Variants in ECT2L observed in about 807,000 individuals in gnomAD.
ECT2L encodes the protein epithelial cell-transforming sequence 2 oncogene-like.
A neutral mutation model predicts 122.8 loss-of-function variants in ECT2L; 126 were observed. The ratio of observed to expected loss-of-function variants is 1.03; its 90% CI spans 0.89 to 1.19. The LOEUF is 1.19. Ranked by LOEUF, ECT2L falls within the 50% of genes most tolerant of loss-of-function variation. The pLI is 0.00. For synonymous variants in ECT2L, 385 were observed against 381.8 expected (o/e 1.01, Z -0.10); for missense variants, 1,012 against 1,064.1 (o/e 0.95, Z 0.68).
chr6:138,902,730 T>C lies in ECT2L; in HGVS notation c.*103T>C, dbSNP rs1779446459. 13 of 1,376,416 alleles carry C rather than the reference T, an allele frequency of 9.4e-6. No homozygotes were observed. The highest frequency in any genetic ancestry group is 7.0e-5 in the East Asian group (3 of 42,916). The allele number at this position is 1,376,416 out of a possible 1,614,324, so 85.3% of individuals were successfully genotyped here. A position where few individuals can be genotyped will look rare whatever the true frequency, so the allele number is the denominator to read the frequency against. ...CCAGTAAGAAACAGAATAACTGTCA[T>C]GGATGATGAGATAAACTAAGATGAC... On this transcript the variant is annotated 3_prime_UTR_variant, in exon 22 of 22. Coordinates refer to ENST00000541398, the MANE Select transcript of ECT2L (RefSeq NM_001077706.3).
chr6:138,826,891 C>G (rs754269133), intron 4 of ECT2L, among the ~76,000 whole-genome samples: 7 of 152,084 alleles, frequency 4.6e-5, no homozygotes, highest in Non-Finnish European at 8.8e-5. Flanking sequence ...CTGTCTCACT[C>G]TCTTGCTCCT....
chr6:138,883,438 G>A (rs965415757), intron 16 of ECT2L, among the ~76,000 whole-genome samples: 14 of 152,168 alleles, frequency 9.2e-5, no homozygotes, highest in African/African-American at 3.1e-4. Flanking sequence ...CTTCTTATGG[G>A]AATAACATCC....
chr6:138,873,872 C>CTGTGTGTGTGTGTGTGTG (rs57839466), intron 13 of ECT2L, among the ~76,000 whole-genome samples: 126 of 71,342 alleles, frequency 1.8e-3, no homozygotes, highest in African/African-American at 3.8e-3. Flanking sequence ...AAATCCAGGA[C>CTGTGTGTGTGTGTGTGTG]TGTGTGTGTG....
At chr6:138,854,913 A>G (rs1400000572) in intron 10 of ECT2L, among the ~76,000 whole-genome samples, 1 of 152,206 alleles carries the variant, frequency 6.6e-6, no homozygotes, top group Non-Finnish European at 1.5e-5. Flanking sequence ...CTCTGCATTC[A>G]TGCACAATGT....
At chr6:138,863,744 T>C (rs950206278) in intron 11 of ECT2L, among the ~76,000 whole-genome samples, 1 of 151,406 alleles carries the variant, frequency 6.6e-6, no homozygotes, top group Non-Finnish European at 1.5e-5. Context: ...GCCTCCTGAG[T>C]AGCTGGGACT....
chr6:138,896,316 G>C (rs1779211306), intron 20 of ECT2L, among the ~76,000 whole-genome samples: 2 of 152,152 alleles, frequency 1.3e-5, no homozygotes, highest in South Asian at 4.1e-4. Flanking sequence ...CTGGTGAATA[G>C]AGGCCTGGCC....
At chr6:138,838,315 C>T in intron 4 of ECT2L, 37 bp from the exon 5 acceptor site, 1 of 1,530,004 alleles carries the variant, frequency 6.5e-7, no homozygotes, top group Non-Finnish European at 8.8e-7. Context: ...AAATTTTAGA[C>T]ATTAGTGTTC....
At chr6:138,822,328 C>A (rs970437937) in intron 4 of ECT2L, among the ~76,000 whole-genome samples, 1 of 152,032 alleles carries the variant, frequency 6.6e-6, no homozygotes, top group Non-Finnish European at 1.5e-5. Flanking sequence ...CTGAGGTCGG[C>A]GGATCACTTG....
At chr6:138,897,206 T>C (rs1779244899) in intron 20 of ECT2L, among the ~76,000 whole-genome samples, 1 of 152,142 alleles carries the variant, frequency 6.6e-6, no homozygotes. Flanking sequence ...CAGAGGCAGA[T>C]TTCTGAAACA....
At chr6:138,897,422 G>C (rs906939724) in intron 20 of ECT2L, among the ~76,000 whole-genome samples, 1 of 152,118 alleles carries the variant, frequency 6.6e-6, no homozygotes. Flanking sequence ...GTAACCTAGA[G>C]AGAATATGCA....
chr6:138,819,979 G>A (rs1476726962), intron 4 of ECT2L, among the ~76,000 whole-genome samples: 1 of 152,110 alleles, frequency 6.6e-6, no homozygotes, highest in East Asian at 1.9e-4. Flanking sequence ...CTTAATTCAA[G>A]GTGGCTGGAG....
Position 138,838,387 on chromosome 6 carries a change from T to C in ECT2L, c.215T>C (p.Val72Ala). 3 of 1,610,732 alleles carry C rather than the reference T, an allele frequency of 1.9e-6. No homozygotes were observed. Among genetic ancestry groups the C allele is most frequent in the Non-Finnish European group, 2.5e-6 (3 of 1,178,936 alleles). ...GACTGGTTTTCAGAAAGGATGCAAGTGGCCAAAGTGGACTTCTCTACAGTG... is the reference window on the plus strand; with the variant it reads ...GACTGGTTTTCAGAAAGGATGCAAGCGGCCAAAGTGGACTTCTCTACAGTG... Reference protein sequence around the residue: ...VQDWFSERMQVAKVDFSTVLP... With the variant: ...VQDWFSERMQAAKVDFSTVLP... Residue 72 changes from valine (V) to alanine (A), a missense_variant, in exon 5 of 22, where the codon GTG becomes GCG. By Grantham distance (64) the Val-to-Ala change is moderately conservative (BLOSUM62 0). Transcript: ENST00000541398.
rs557715026 is a variant in ECT2L, at chr6:138,796,654, A to C, written c.-244+462A>C. Among the ~76,000 whole-genome samples, 10 of 152,324 alleles carry C rather than the reference A, an allele frequency of 6.6e-5. No individual in the cohort carries two copies. The East Asian group carries it at 1.4e-3, about 21-fold the overall frequency. On this transcript the variant is annotated intron_variant, in intron 1 of 21. Transcript: ENST00000541398. ...AATACAAAAAATCTACTGTGAATAT[A>C]GGTCTTGGTTATAAGGATAGCTCTA...
rs79865247 is a variant in ECT2L at position 138,885,735 on chromosome 6, G to A, written c.2164G>A (p.Ala722Thr). The A allele has an allele frequency of 2.4e-3, 3,802 of 1,614,132 alleles. 12 individuals are homozygous for A. The highest frequency in any genetic ancestry group is 2.9e-3 in the Non-Finnish European group (3,417 of 1,180,030). ...RFEEYLNLLY[A>T]VRLHTPAEHV... Reference sequence around the variant, plus strand: ...TGAAGAATACCTTAATCTTCTCTACGCTGTCAGGCTTCATACCCCTGCAGA... The same window carrying A: ...TGAAGAATACCTTAATCTTCTCTACACTGTCAGGCTTCATACCCCTGCAGA... The change falls in exon 18 of 22, where the codon GCT becomes ACT. Residue 722 changes from alanine to threonine, a missense_variant. Coordinates refer to ENST00000541398, the MANE Select transcript of ECT2L (RefSeq NM_001077706.3).
At chr6:138,885,205 T>C (rs866138667) in intron 16 of ECT2L, among the ~76,000 whole-genome samples, 1 of 151,962 alleles carries the variant, frequency 6.6e-6, no homozygotes, top group African/African-American at 2.4e-5. Flanking sequence ...ATTTTTTGTA[T>C]TTTTAGTAGA....
chr6:138,844,795 CTTTTTT>C (rs11398299), intron 7 of ECT2L, among the ~76,000 whole-genome samples: 122 of 126,654 alleles, frequency 9.6e-4, no homozygotes, highest in Admixed American at 1.5e-3. Context: ...TTTAAATGTT[CTTTTTT>C]TTTTTTTTTT....
At chr6:138,838,254 G>T in intron 4 of ECT2L, 98 bp from the exon 5 acceptor site, 1 of 1,107,840 alleles carries the variant, frequency 9.0e-7, no homozygotes, top group Non-Finnish European at 1.2e-6. Flanking sequence ...TTTTTTATAG[G>T]TAGAACATTG....
chr6:138,808,655 A>T (rs1281173521), intron 1 of ECT2L, among the ~76,000 whole-genome samples: 1 of 152,008 alleles, frequency 6.6e-6, no homozygotes, highest in East Asian at 1.9e-4. Flanking sequence ...TTCTCTGTAG[A>T]TTCTTTAATA....
At chr6:138,885,460 TA>T (rs1287297927) in intron 16 of ECT2L, 45 bp from the exon 17 acceptor site, 2 of 1,592,484 alleles carry the variant, frequency 1.3e-6, no homozygotes, top group Non-Finnish European at 1.7e-6. Context: ...CAGTGGACTT[TA>T]CAACTATCTC....
Sources: gnomAD v4.1 joint callset for allele counts (sites outside exome capture counted in the v4.1 genomes callset) on GRCh38, gnomAD v4.1.1 for gene constraint, MANE v1.5 for transcripts, NCBI Gene and HGNC (gene_info 2026-07-23, HGNC 2026-07-21) for gene names.